Variants in TMCO6 observed in about 807,000 individuals in gnomAD.
TMCO6 encodes the protein transmembrane and coiled-coil domain-containing protein 6.
In TMCO6, 47 loss-of-function variants were observed where a neutral mutation model predicts 61.8. That is an observed-to-expected ratio of 0.76 (90% CI 0.60 to 0.97). The LOEUF (loss-of-function observed/expected upper bound fraction) is 0.97. Among genes scored for constraint, TMCO6 ranks in the 50% least tolerant of loss-of-function variants. TMCO6 has a pLI of 0.00. For missense variants in TMCO6, 557 were observed against 601.6 expected, an observed-to-expected ratio of 0.93 and a Z score of 0.78; for synonymous variants, 261 against 254.2, an observed-to-expected ratio of 1.03 and a Z score of -0.25.
chr5:140,639,570 G>A lies in TMCO6; in HGVS notation c.43G>A (p.Gly15Arg), dbSNP rs539436861. The change falls in exon 1 of 12, where the codon GGG (glycine) becomes AGG (arginine). Residue 15 changes from glycine (G) to arginine (R), a missense_variant. By Grantham distance (125) the Gly-to-Arg change is moderately radical (BLOSUM62 -2). Transcript: ENST00000394671. ...RQGRLRPTVC[G>R]VEELRRRRRE... ...GGGCCGCCTCAGGCCCACGGTCTGC[G>A]GGGTGGAGGAGCTACGGCGCCGCCG... The A allele has an allele frequency of 6.5e-7, 1 of 1,546,876 alleles. No homozygotes were observed. Among genetic ancestry groups the A allele is most frequent in the Non-Finnish European group, 8.7e-7 (1 of 1,145,328 alleles).
the TMCO6 span, chr5:140,631,869 CG>C: frequency 6.4e-7 from 1 of 1,562,858 alleles, no homozygotes; most frequent in Non-Finnish European, 8.7e-7. Flanking sequence ...GGCAAAGCCC[CG>C]GGCCCCTTGG....
the TMCO6 span, chr5:140,609,214 G>T: frequency 6.3e-6 from 1 of 157,580 alleles, no homozygotes; most frequent in South Asian, 1.8e-4. Flanking sequence ...GTGCAGACCT[G>T]GCCTGAAAGG....
chr5:140,598,447 C>T, the TMCO6 span, among the ~76,000 whole-genome samples: 1 of 152,182 alleles, frequency 6.6e-6, no homozygotes, highest in African/African-American at 2.4e-5. Flanking sequence ...GATGACAATG[C>T]AACGTGGTAT....
At chr5:140,608,037 G>T in the TMCO6 span, among the ~76,000 whole-genome samples, 4 of 152,032 alleles carry the variant, frequency 2.6e-5, no homozygotes, top group Non-Finnish European at 4.4e-5. Context: ...TGATCTGCCC[G>T]CCTCGGCCTC....
the TMCO6 span, among the ~76,000 whole-genome samples, chr5:140,597,710 C>T: frequency 6.6e-6 from 1 of 152,210 alleles, no homozygotes; most frequent in Non-Finnish European, 1.5e-5. Flanking sequence ...GCCTCCCCTT[C>T]AGTCCACTCC....
downstream of TMCO6, chr5:140,645,452 G>C: frequency 8.5e-7 from 1 of 1,181,290 alleles, no homozygotes; most frequent in Non-Finnish European, 1.2e-6. Context: ...GGGTAGATGA[G>C]GACAAGAACA....
At chr5:140,618,614 C>T in the TMCO6 span, among the ~76,000 whole-genome samples, 4 of 151,798 alleles carry the variant, frequency 2.6e-5, no homozygotes, top group African/African-American at 4.8e-5. Context: ...GCCCAGTACC[C>T]AATAGTTATC....
rs774049449 is a variant in TMCO6 at position 140,641,993 on chromosome 5, C to G, written c.438C>G (p.Ala146=). The G allele has an allele frequency of 1.2e-6, 2 of 1,613,386 alleles. No individual in the cohort carries two copies. The highest frequency in any genetic ancestry group is 2.7e-5 in the African/African-American group (2 of 74,930). Residue 146 remains alanine, a synonymous_variant, in exon 4 of 12, where the codon GCC becomes GCG. Transcript: ENST00000394671. ...SHSEQSTVAE[A]CLPATSYLLT... ...CCGAGCAGTCCACTGTTGCTGAGGCCTGCCTGCCAGCCACTTCTTACCTCC... is the reference window on the plus strand; with the variant it reads ...CCGAGCAGTCCACTGTTGCTGAGGCGTGCCTGCCAGCCACTTCTTACCTCC...
chr5:140,597,266 T>A, the TMCO6 span, among the ~76,000 whole-genome samples: 1 of 152,220 alleles, frequency 6.6e-6, no homozygotes, highest in Admixed American at 6.5e-5. Context: ...TACATTTGGC[T>A]ATCAGTTTCA....
At chr5:140,600,680 G>A in the TMCO6 span, among the ~76,000 whole-genome samples, 1 of 152,054 alleles carries the variant, frequency 6.6e-6, no homozygotes, top group African/African-American at 2.4e-5. Context: ...GGCCAGCCTG[G>A]TCTCAAGCTC....
chr5:140,598,950 C>A, the TMCO6 span, among the ~76,000 whole-genome samples: 1 of 151,922 alleles, frequency 6.6e-6, no homozygotes, highest in Admixed American at 6.6e-5. Flanking sequence ...ACAAAAAAAC[C>A]AAAAAACCAA....
chr5:140,641,140 A>G (rs1262712787), intron 2 of TMCO6: 1 of 155,422 alleles, frequency 6.4e-6, no homozygotes, highest in African/African-American at 2.4e-5. Flanking sequence ...AACAAGAGAA[A>G]CTCCTAAGTC....
chr5:140,639,708 TC>T, intron 1 of TMCO6, 30 bp from the exon 2 acceptor site: 1 of 1,564,400 alleles, frequency 6.4e-7, no homozygotes, highest in Non-Finnish European at 8.7e-7. Flanking sequence ...TGGTCGTCCT[TC>T]CCACGCTCAG....
At chr5:140,624,912 G>A in the TMCO6 span, among the ~76,000 whole-genome samples, 1 of 140,792 alleles carries the variant, frequency 7.1e-6, no homozygotes, top group African/African-American at 2.7e-5. Context: ...AGAGTACAGT[G>A]GCATGATCTT....
At chr5:140,642,873 GA>G (rs1431091782) in intron 6 of TMCO6, 51 bp from the exon 7 acceptor site, 4 of 1,613,686 alleles carry the variant, frequency 2.5e-6, no homozygotes, top group African/African-American at 2.7e-5. Context: ...GGTTTGGTAA[GA>G]ACCACTGGCA....
At chr5:140,647,416 T>A (rs1355515366), downstream of TMCO6, 5 of 1,611,192 alleles carry the variant, frequency 3.1e-6, no homozygotes, top group Admixed American at 6.7e-5. Flanking sequence ...TTCCCTCAAC[T>A]TCAGGGAGGT....
chr5:140,619,734 T>C, the TMCO6 span, among the ~76,000 whole-genome samples: 2 of 152,196 alleles, frequency 1.3e-5, no homozygotes, highest in African/African-American at 2.4e-5. Context: ...CTTGGTTTGT[T>C]TTCTCCAAAA....
At chr5:140,639,119 C>A, upstream of TMCO6, 2 of 188,460 alleles carry the variant, frequency 1.1e-5, no homozygotes, top group Non-Finnish European at 1.1e-5. Context: ...GAAACGGCAT[C>A]ATGGCGCTTC....
the TMCO6 span, among the ~76,000 whole-genome samples, chr5:140,626,656 G>A: frequency 6.6e-6 from 1 of 152,084 alleles, no homozygotes; most frequent in African/African-American, 2.4e-5. Flanking sequence ...TTTTGAAACA[G>A]AGTCTCACTC....
Sources: gnomAD v4.1 joint callset for allele counts (sites outside exome capture counted in the v4.1 genomes callset) on GRCh38, gnomAD v4.1.1 for gene constraint, MANE v1.5 for transcripts, NCBI Gene and HGNC (gene_info 2026-07-23, HGNC 2026-07-21) for gene names.